Variants in CSMD1 observed in about 807,000 individuals in gnomAD.
CSMD1 encodes CUB and sushi domain-containing protein 1.
A neutral mutation model predicts 417.5 loss-of-function variants in CSMD1; 213 were observed. That is an observed-to-expected ratio of 0.51 (90% CI 0.46 to 0.57). The LOEUF (loss-of-function observed/expected upper bound fraction) is 0.57. Among genes scored for constraint, CSMD1 ranks in the 20% least tolerant of loss-of-function variants. The probability of loss-of-function intolerance (pLI) is 0.00; values close to 1 mark genes in which losing one functional copy is unlikely to be tolerated. For missense variants in CSMD1, 6,923 were observed against 4,529.7 expected, an observed-to-expected ratio of 1.53 and a Z score of -15.17; for synonymous variants, 2,862 against 1,736.8, an observed-to-expected ratio of 1.65 and a Z score of -16.11.
chr8:4,329,117 G>A (rs924250949), intron 3 of CSMD1, among the ~76,000 whole-genome samples: 5 of 152,114 alleles, frequency 3.3e-5, no homozygotes, highest in African/African-American at 1.2e-4. Context: ...TCTACAGACT[G>A]TATGGCTTCC....
chr8:3,461,468 G>C (rs1403163764), intron 12 of CSMD1, among the ~76,000 whole-genome samples: 1 of 152,192 alleles, frequency 6.6e-6, no homozygotes, highest in Non-Finnish European at 1.5e-5. Flanking sequence ...AGGAGGGGAA[G>C]CAGGAGTAGC....
intron 1 of CSMD1, among the ~76,000 whole-genome samples, chr8:4,822,654 T>G (rs915547233): frequency 2.1e-4 from 32 of 152,270 alleles, no homozygotes; most frequent in African/African-American, 7.7e-4. Context: ...TTGAGATACT[T>G]TGTTCACAGT....
At chr8:4,588,805 C>A (rs1487972813) in intron 2 of CSMD1, among the ~76,000 whole-genome samples, 2 of 149,020 alleles carry the variant, frequency 1.3e-5, no homozygotes, top group Non-Finnish European at 1.5e-5. Context: ...CACACACACA[C>A]AAAAGAAACT....
At chr8:4,673,668 T>C (rs1165125132) in intron 1 of CSMD1, among the ~76,000 whole-genome samples, 1 of 152,190 alleles carries the variant, frequency 6.6e-6, no homozygotes, top group Admixed American at 6.5e-5. Flanking sequence ...TCAACTCTGC[T>C]AATGCTTCCT....
At chr8:4,481,972 A>C (rs1269903166) in intron 2 of CSMD1, among the ~76,000 whole-genome samples, 2 of 152,156 alleles carry the variant, frequency 1.3e-5, no homozygotes, top group African/African-American at 4.8e-5. Flanking sequence ...CTTAGCTGCT[A>C]TATTATATAG....
intron 1 of CSMD1, among the ~76,000 whole-genome samples, chr8:4,797,088 G>A (rs780421561): frequency 8.5e-5 from 13 of 152,172 alleles, no homozygotes; most frequent in Non-Finnish European, 1.8e-4. Flanking sequence ...GGAATGCAGT[G>A]AGAATCGAAT....
chr8:3,182,620 G>GAAGGAC (rs1821421663), intron 36 of CSMD1, among the ~76,000 whole-genome samples: 1 of 70,106 alleles, frequency 1.4e-5, no homozygotes, highest in Non-Finnish European at 3.9e-5. Context: ...GTGTGTGTGT[G>GAAGGAC]TGTGTGTGTG....
At chr8:4,307,501 A>G (rs1457323170) in intron 3 of CSMD1, among the ~76,000 whole-genome samples, 1 of 152,024 alleles carries the variant, frequency 6.6e-6, no homozygotes, top group African/African-American at 2.4e-5. Context: ...AAACTTCACT[A>G]CCCTGTTATG....
At chr8:4,619,728 G>A (rs1801664184) in intron 2 of CSMD1, among the ~76,000 whole-genome samples, 1 of 152,092 alleles carries the variant, frequency 6.6e-6, no homozygotes, top group Non-Finnish European at 1.5e-5. Flanking sequence ...AATAGTATGT[G>A]TTCTTTGTTT....
At chr8:3,401,584 C>G (rs1812041080) in intron 15 of CSMD1, among the ~76,000 whole-genome samples, 1 of 152,150 alleles carries the variant, frequency 6.6e-6, no homozygotes, top group African/African-American at 2.4e-5. Flanking sequence ...TTAGATTACA[C>G]TGCCGTAACT....
rs370263681 is a variant in CSMD1 at position 4,375,215 on chromosome 8, T to C, written c.415+44738A>G. 5.4e-4 allele frequency among the ~76,000 whole-genome samples: 82 copies of C among 152,196 alleles called. 1 individual carries two copies. Among genetic ancestry groups the C allele is most frequent in the African/African-American group, 1.9e-3 (78 of 41,528 alleles). On this transcript the variant is annotated intron_variant, in intron 3 of 69. Coordinates refer to ENST00000635120, the MANE Select transcript of CSMD1 (RefSeq NM_033225.6). Reference sequence around the variant, plus strand: ...GTTTTCAAGTCTTTGCCCACGGGGATAGATAGTTTGGATGGTCTTAGAATA... The same window carrying C: ...GTTTTCAAGTCTTTGCCCACGGGGACAGATAGTTTGGATGGTCTTAGAATA...
At chr8:3,863,290 AG>A (rs1804844484) in intron 5 of CSMD1, among the ~76,000 whole-genome samples, 1 of 151,332 alleles carries the variant, frequency 6.6e-6, no homozygotes, top group Admixed American at 6.6e-5. Context: ...TCAGCTACTC[AG>A]GAGGCTGAGG....
Position 4,420,611 on chromosome 8 carries a change from T to C in CSMD1, c.303-546A>G, listed in dbSNP as rs79181166. 4.1e-3 allele frequency among the ~76,000 whole-genome samples: 624 copies of C among 152,288 alleles called. 6 individuals carry two copies. The highest frequency in any genetic ancestry group is 0.015 in the African/African-American group (610 of 41,560). Reference sequence around the variant, plus strand: ...ATTTGTGCACTCAAACATGAAAGTATTGCAAAACCACTGAGTTGGTCGTGA... The same window carrying C: ...ATTTGTGCACTCAAACATGAAAGTACTGCAAAACCACTGAGTTGGTCGTGA... On this transcript the variant is annotated intron_variant, in intron 2 of 69. Transcript: ENST00000635120.
chr8:3,331,140 A>C (rs1806866341), intron 23 of CSMD1, among the ~76,000 whole-genome samples: 1 of 150,918 alleles, frequency 6.6e-6, no homozygotes, highest in South Asian at 2.1e-4. Flanking sequence ...CAGGAGGCTG[A>C]GGCAGGAGAA....
intron 3 of CSMD1, among the ~76,000 whole-genome samples, chr8:4,396,807 T>C (rs1468955698): frequency 6.6e-6 from 1 of 152,014 alleles, no homozygotes; most frequent in African/African-American, 2.4e-5. Flanking sequence ...ATGTTCTCAC[T>C]TATAAGAAGT....
chr8:3,139,169 T>A (rs965968063), intron 41 of CSMD1, among the ~76,000 whole-genome samples: 6 of 152,166 alleles, frequency 3.9e-5, no homozygotes, highest in African/African-American at 1.4e-4. Flanking sequence ...ACAAACATTG[T>A]GTCCTGGCGC....
At chr8:4,508,067 G>C (rs1466889489) in intron 2 of CSMD1, among the ~76,000 whole-genome samples, 4 of 139,572 alleles carry the variant, frequency 2.9e-5, no homozygotes, top group African/African-American at 5.4e-5. Context: ...TGGAGATTGT[G>C]AGCTATGTAG....
At chr8:3,560,849 G>C (rs1393545205) in intron 10 of CSMD1, among the ~76,000 whole-genome samples, 1 of 152,140 alleles carries the variant, frequency 6.6e-6, no homozygotes, top group South Asian at 2.1e-4. Context: ...TTAGGGTAAA[G>C]GGTCTTTTGT....
At chr8:3,384,265 C>T (rs1385833835) in intron 18 of CSMD1, among the ~76,000 whole-genome samples, 1 of 152,046 alleles carries the variant, frequency 6.6e-6, no homozygotes, top group Non-Finnish European at 1.5e-5. Context: ...AGTTTTGAAT[C>T]TTTATATCTT....
Sources: gnomAD v4.1 joint callset for allele counts (sites outside exome capture counted in the v4.1 genomes callset) on GRCh38, gnomAD v4.1.1 for gene constraint, MANE v1.5 for transcripts, NCBI Gene and HGNC (gene_info 2026-07-23, HGNC 2026-07-21) for gene names.